Variants in DENND2B observed in about 807,000 individuals in gnomAD.
DENND2B encodes DENN domain-containing protein 2B.
DENND2B carries 32 observed loss-of-function variants against 116.0 expected under a neutral mutation model. The ratio of observed to expected loss-of-function variants is 0.28; its 90% CI spans 0.21 to 0.37. The LOEUF is 0.37. DENND2B is among the 10% of genes least tolerant of loss of function. The probability of loss-of-function intolerance (pLI) is 1.00; values close to 1 mark genes in which losing one functional copy is unlikely to be tolerated. For synonymous variants in DENND2B, 588 were observed against 583.9 expected, an observed-to-expected ratio of 1.01 and a Z score of -0.10; for missense variants, 1,276 against 1,477.7, an observed-to-expected ratio of 0.86 and a Z score of 2.24.
upstream of DENND2B, among the ~76,000 whole-genome samples, chr11:8,815,293 G>T (rs781240514): frequency 8.5e-5 from 13 of 152,152 alleles, no homozygotes; most frequent in Non-Finnish European, 1.6e-4. Flanking sequence ...AGAAAAAAAG[G>T]GTTCTCTTAC....
At chr11:8,846,685 AGAT>A (rs2062826430) in intron 3 of DENND2B, among the ~76,000 whole-genome samples, 1 of 152,182 alleles carries the variant, frequency 6.6e-6, no homozygotes, top group Non-Finnish European at 1.5e-5. Flanking sequence ...CCAAGGGCCA[AGAT>A]GATGCCCCTT....
intron 1 of DENND2B, among the ~76,000 whole-genome samples, chr11:8,896,061 C>T (rs2064097494): frequency 6.6e-6 from 1 of 152,102 alleles, no homozygotes. Context: ...CACAGTATAA[C>T]TTACATTTAT....
chr11:8,816,531 A>C (rs1318980092), intron 4 of DENND2B, among the ~76,000 whole-genome samples: 1 of 149,476 alleles, frequency 6.7e-6, no homozygotes, highest in African/African-American at 2.4e-5. Context: ...AGCCTGGGTG[A>C]CAGAGCAAAA....
chr11:8,837,172 A>T (rs1253388792), intron 4 of DENND2B, among the ~76,000 whole-genome samples: 1 of 152,232 alleles, frequency 6.6e-6, no homozygotes, highest in Non-Finnish European at 1.5e-5. Flanking sequence ...GCAAGATCTG[A>T]TTAAATCTCA....
At chr11:8,754,029 G>GCGCGCACACA (rs146486674) in intron 1 of DENND2B, among the ~76,000 whole-genome samples, 47,956 of 138,696 alleles carry the variant, frequency 0.35, 9,797 homozygotes, top group Non-Finnish European at 0.45. Flanking sequence ...CCAAAAGCGC[G>GCGCGCACACA]CACACACACA....
At chr11:8,717,137 A>G (rs2045012983) in intron 5 of DENND2B, among the ~76,000 whole-genome samples, 1 of 152,218 alleles carries the variant, frequency 6.6e-6, no homozygotes, top group African/African-American at 2.4e-5. Context: ...CAAGGACAGA[A>G]GGAGCTGAAG....
intron 1 of DENND2B, among the ~76,000 whole-genome samples, chr11:8,752,058 GA>G (rs928737164): frequency 2.0e-5 from 3 of 152,162 alleles, no homozygotes; most frequent in Non-Finnish European, 2.9e-5. Context: ...TCCCAGTGGG[GA>G]AAAACAGACA....
intron 1 of DENND2B, among the ~76,000 whole-genome samples, chr11:8,798,695 T>C (rs2060041398): frequency 1.3e-5 from 2 of 151,440 alleles, no homozygotes; most frequent in Non-Finnish European, 2.9e-5. Flanking sequence ...TACATCTAAA[T>C]GGAGGGAAAA....
intron 15 of DENND2B, 40 bp downstream of exon 15, chr11:8,699,173 C>T (rs1481008747): frequency 2.6e-6 from 4 of 1,532,888 alleles, no homozygotes; most frequent in Non-Finnish European, 3.5e-6. Flanking sequence ...CCTGCTTCCC[C>T]CTCCACCCTT....
intron 1 of DENND2B, among the ~76,000 whole-genome samples, chr11:8,886,618 C>A (rs1162546220): frequency 6.6e-6 from 1 of 151,362 alleles, no homozygotes; most frequent in East Asian, 2.0e-4. Context: ...ATCATAGACA[C>A]AACAAGCAGA....
At chr11:8,909,395 A>AAGGAAGAAG (rs772313952) in intron 1 of DENND2B, among the ~76,000 whole-genome samples, 3 of 148,662 alleles carry the variant, frequency 2.0e-5, no homozygotes, top group Non-Finnish European at 3.0e-5. Context: ...AAGAAGGAAG[A>AAGGAAGAAG]AGGAAGAAGA....
rs1385502690 is a variant in DENND2B at position 8,740,308 on chromosome 11, G to GT, written c.81-9100dup. Among the ~76,000 whole-genome samples, 3 of 152,262 alleles carry GT rather than the reference G, an allele frequency of 2.0e-5. No individual in the cohort carries two copies. In the East Asian group the frequency reaches 5.8e-4, roughly 29 times the overall value. On this transcript the variant is annotated intron_variant, in intron 2 of 19. Transcript: ENST00000313726. ...CATAATAAATATTCCCTCTGGCACT[G>GT]TCTCACAGGAACACGCCCCAATCCC... is the stretch of plus-strand genomic sequence containing the variant.
chr11:8,774,314 GA>G (rs1482490248), intron 1 of DENND2B: 8 of 985,322 alleles, frequency 8.1e-6, no homozygotes, highest in Middle Eastern at 5.2e-4. Flanking sequence ...CTGAAAGGCT[GA>G]AGGCTGCCTT....
At chr11:8,750,100 A>T (rs1272572749) in intron 2 of DENND2B, among the ~76,000 whole-genome samples, 1 of 152,244 alleles carries the variant, frequency 6.6e-6, no homozygotes, top group Non-Finnish European at 1.5e-5. Context: ...TGAAGATTTT[A>T]TAGGGCACAG....
chr11:8,789,201 G>C (rs1488080421), intron 1 of DENND2B, among the ~76,000 whole-genome samples: 1 of 152,170 alleles, frequency 6.6e-6, no homozygotes, highest in East Asian at 1.9e-4. Flanking sequence ...GACAAGAATA[G>C]AAATAAAACA....
rs191393618 is a variant in DENND2B, at chr11:8,718,542, T to C, written c.1478-650A>G. On this transcript the variant is annotated intron_variant, in intron 4 of 19. Coordinates refer to ENST00000313726, the MANE Select transcript of DENND2B (RefSeq NM_213618.2). ...AAGTGTTCAGTAATGATCTGTTCGA[T>C]GACTCTCCTACTGTAGTGTCTATTC... is the stretch of plus-strand genomic sequence containing the variant. 883 of 1,432,852 alleles carry C rather than the reference T, an allele frequency of 6.2e-4. 6 individuals carry two copies. In the African/African-American group the frequency reaches 0.012, roughly 19 times the overall value. 88.8% of individuals were successfully genotyped at this position (1,432,852 alleles called of 1,614,324 possible).
chr11:8,710,752 G>GAC, intron 11 of DENND2B, 93 bp downstream of exon 11: 2 of 970,134 alleles, frequency 2.1e-6, no homozygotes, highest in Non-Finnish European at 2.9e-6. Flanking sequence ...ATTGCAGAAG[G>GAC]GCACACACAC....
At chr11:8,776,550 C>A in intron 1 of DENND2B, 1 of 268,314 alleles carries the variant, frequency 3.7e-6, no homozygotes, top group Non-Finnish European at 7.4e-6. Context: ...CCAGACATCG[C>A]AGGCAGCTTG....
At chr11:8,869,347 G>A (rs562558348) in intron 2 of DENND2B, among the ~76,000 whole-genome samples, 5 of 152,250 alleles carry the variant, frequency 3.3e-5, no homozygotes, top group Admixed American at 1.3e-4. Context: ...CCCCTATCTT[G>A]GGGAGTTTTT....
Sources: allele counts gnomAD v4.1 joint callset (sites outside exome capture counted in the v4.1 genomes callset), GRCh38; gene constraint gnomAD v4.1.1; transcripts MANE v1.5; gene names NCBI Gene and HGNC (gene_info 2026-07-23, HGNC 2026-07-21).